PTPRE: variants seen among roughly 807,000 people sequenced by gnomAD.
PTPRE encodes receptor-type tyrosine-protein phosphatase epsilon.
Under a neutral mutation model 102.0 loss-of-function variants are expected in PTPRE, and 51 were observed. The ratio of observed to expected loss-of-function variants is 0.50; its 90% CI spans 0.40 to 0.63. The LOEUF (loss-of-function observed/expected upper bound fraction) is 0.63. PTPRE is among the 30% of genes least tolerant of loss of function. The pLI is 0.00. For missense variants in PTPRE, 752 were observed against 915.1 expected (o/e 0.82, Z 2.30); for synonymous variants, 345 against 348.2 (o/e 0.99, Z 0.10).
intron 3 of PTPRE, among the ~76,000 whole-genome samples, chr10:128,046,019 C>T (rs569496397): frequency 7.0e-4 from 106 of 152,304 alleles, no homozygotes; most frequent in African/African-American, 2.4e-3. Flanking sequence ...GGGGCCACCT[C>T]CGCATCACAG....
At chr10:128,080,369 A>G (rs1215466396) in intron 20 of PTPRE, among the ~76,000 whole-genome samples, 3 of 152,066 alleles carry the variant, frequency 2.0e-5, no homozygotes, top group African/African-American at 7.2e-5. Flanking sequence ...CTCACTCTCC[A>G]CGCTGACAAT....
chr10:127,977,813 G>A (rs1851297337), intron 1 of PTPRE, among the ~76,000 whole-genome samples: 1 of 152,210 alleles, frequency 6.6e-6, no homozygotes, highest in South Asian at 2.1e-4. Context: ...CCCTTCCTAA[G>A]GGTGGATTTC....
At chr10:127,948,900 C>T (rs1848817189) in intron 1 of PTPRE, among the ~76,000 whole-genome samples, 3 of 152,214 alleles carry the variant, frequency 2.0e-5, no homozygotes, top group African/African-American at 7.2e-5. Flanking sequence ...GGTTCACCCT[C>T]AGTGTGCATG....
intron 12 of PTPRE, 189 bp from the exon 13 acceptor site, chr10:128,069,503 G>A (rs1850571262): frequency 1.3e-5 from 9 of 685,672 alleles, no homozygotes; most frequent in Non-Finnish European, 2.2e-5. Flanking sequence ...GGCTATCAGA[G>A]GACCGGCCTG....
At chr10:127,984,078 CTTTTTTTTTT>C (rs58130253) in intron 2 of PTPRE, among the ~76,000 whole-genome samples, 2 of 125,392 alleles carry the variant, frequency 1.6e-5, no homozygotes, top group South Asian at 2.4e-4. Flanking sequence ...TTCTTTCTTT[CTTTTTTTTTT>C]TTTTTTTTTT....
At chr10:127,981,122 C>T (rs1425183980) in intron 1 of PTPRE, among the ~76,000 whole-genome samples, 1 of 152,034 alleles carries the variant, frequency 6.6e-6, no homozygotes, top group African/African-American at 2.4e-5. Context: ...ATTATTCAGC[C>T]ATTAAAAGGA....
chr10:128,004,076 G>A (rs1381630989), intron 2 of PTPRE, among the ~76,000 whole-genome samples: 1 of 151,858 alleles, frequency 6.6e-6, no homozygotes, highest in Non-Finnish European at 1.5e-5. Context: ...ATTGTTGGGG[G>A]GATTAAATGG....
intron 2 of PTPRE, among the ~76,000 whole-genome samples, chr10:128,020,050 G>A (rs573072318): frequency 5.0e-4 from 48 of 96,750 alleles, no homozygotes; most frequent in South Asian, 4.6e-3. Context: ...GTGTGTGCAC[G>A]CGCGCACGTG....
chr10:128,016,927 C>G (rs1296333617), intron 2 of PTPRE, among the ~76,000 whole-genome samples: 1 of 152,254 alleles, frequency 6.6e-6, no homozygotes, highest in Non-Finnish European at 1.5e-5. Flanking sequence ...ACCAAATACT[C>G]AGGGGTCCTG....
At chr10:128,010,716 T>G (rs1844941564) in intron 2 of PTPRE, among the ~76,000 whole-genome samples, 1 of 152,064 alleles carries the variant, frequency 6.6e-6, no homozygotes, top group South Asian at 2.1e-4. Flanking sequence ...CTCAGCCTCC[T>G]GAGTAGCTGG....
At chr10:127,953,635 C>T (rs1177854642) in intron 1 of PTPRE, among the ~76,000 whole-genome samples, 2 of 152,328 alleles carry the variant, frequency 1.3e-5, no homozygotes, top group Non-Finnish European at 2.9e-5. Context: ...GTTCCTACTC[C>T]TGCTATGCTG....
rs1850688194 is a variant in PTPRE at position 128,070,673 on chromosome 10, C to A, written c.1294-135C>A. The stretch of plus-strand genomic sequence containing the variant: ...AGGCACACATTTGTATTTCCCAATG[C>A]TAAGGAGGCTTCCTGGGTTGGAGAG... On this transcript the variant is annotated intron_variant, in intron 14 of 20. Coordinates refer to ENST00000254667, the MANE Select transcript of PTPRE (RefSeq NM_006504.6). This position sits in a 1 kb window ranked among gnomAD's most constrained non-coding sequence, Gnocchi z 4.8. 8.6e-7 allele frequency: 1 copy of A among 1,164,300 alleles called. No individual in the cohort carries two copies. Among genetic ancestry groups the A allele is most frequent in the Non-Finnish European group, 1.2e-6 (1 of 825,214 alleles). 72.1% of individuals were successfully genotyped at this position (1,164,300 alleles called of 1,614,324 possible).
At chr10:127,939,256 C>T (rs1221606381) in intron 1 of PTPRE, among the ~76,000 whole-genome samples, 5 of 152,170 alleles carry the variant, frequency 3.3e-5, no homozygotes, top group African/African-American at 4.8e-5. Context: ...GAATCATTCC[C>T]GCAGTTAAAG....
At chr10:127,943,350 CG>C (rs1848387801) in intron 1 of PTPRE, among the ~76,000 whole-genome samples, 1 of 152,194 alleles carries the variant, frequency 6.6e-6, no homozygotes, top group Admixed American at 6.5e-5. Flanking sequence ...CTGTAACCCT[CG>C]AGTTGAGGAG....
chr10:127,935,105 A>G (rs1377083292), intron 1 of PTPRE, among the ~76,000 whole-genome samples: 1 of 152,144 alleles, frequency 6.6e-6, no homozygotes, highest in Non-Finnish European at 1.5e-5. Flanking sequence ...GGCTGGCACC[A>G]GGACGCGTGA....
intron 3 of PTPRE, among the ~76,000 whole-genome samples, chr10:128,042,136 C>G (rs1847746833): frequency 6.6e-6 from 1 of 152,128 alleles, no homozygotes; most frequent in South Asian, 2.1e-4. Context: ...ACTGGTGGTT[C>G]AAAGAGTTAT....
chr10:128,046,526 C>T (rs1848104082), intron 3 of PTPRE, among the ~76,000 whole-genome samples: 1 of 152,220 alleles, frequency 6.6e-6, no homozygotes, highest in Non-Finnish European at 1.5e-5. Context: ...CAGGGCCCCT[C>T]TGGGTCCACA....
rs1590037185 is a variant in PTPRE, at chr10:128,020,750, A to G, written c.-7-20125A>G. Among the ~76,000 whole-genome samples, 4 of 152,152 alleles carry G rather than the reference A, an allele frequency of 2.6e-5. No individual in the cohort carries two copies. In the East Asian group the frequency reaches 7.7e-4, roughly 29 times the overall value. The stretch of plus-strand genomic sequence containing the variant: ...GACAAGTTCTAACCCAGATGAGCTC[A>G]CAGTACTGCCATCCTGCTGCATCCT... On this transcript the variant is annotated intron_variant, in intron 2 of 20. Transcript: ENST00000254667.
At chr10:128,003,476 C>T (rs1467260224) in intron 2 of PTPRE, among the ~76,000 whole-genome samples, 1 of 152,116 alleles carries the variant, frequency 6.6e-6, no homozygotes, top group Admixed American at 6.5e-5. Context: ...TACTCTGTTA[C>T]ATTCATCCTG....
Sources: gnomAD v4.1 joint callset for allele counts (sites outside exome capture counted in the v4.1 genomes callset) on GRCh38, gnomAD v4.1.1 for gene constraint, Gnocchi (gnomAD v3.1) non-coding constraint, MANE v1.5 for transcripts, NCBI Gene and HGNC (gene_info 2026-07-23, HGNC 2026-07-21) for gene names.